Variants in IGFLR1 observed in about 807,000 individuals in gnomAD.
IGFLR1 encodes the protein IGF-like family receptor 1.
A neutral mutation model predicts 23.4 loss-of-function variants in IGFLR1; 17 were observed. That is an observed-to-expected ratio of 0.73 (90% confidence interval 0.50 to 1.09). The LOEUF (loss-of-function observed/expected upper bound fraction) is 1.09. IGFLR1 is among the 50% of genes least tolerant of loss of function. The pLI, the probability that IGFLR1 is intolerant of heterozygous loss-of-function variation, is 0.00. For synonymous variants in IGFLR1, 265 were observed against 210.7 expected, an observed-to-expected ratio of 1.26 and a Z score of -2.23; for missense variants, 556 against 459.2, an observed-to-expected ratio of 1.21 and a Z score of -1.93.
chr19:35,741,430 C>T (rs1970227282), intron 1 of IGFLR1: 4 of 541,460 alleles, frequency 7.4e-6, no homozygotes, highest in Admixed American at 3.3e-5. Flanking sequence ...TCTGCCGTGT[C>T]CTCACCCACC....
rs1384884007 is a variant in IGFLR1, at chr19:35,739,056, T to G, written c.*224A>C. ...TCAGAACAACACAACACAGCAACTG[T>G]CTGTAGCAGGGTTGTTTCCCAGAGG... On this transcript the variant is annotated 3_prime_UTR_variant, in exon 5 of 5. Transcript: ENST00000246532. 9 of 574,344 alleles carry G rather than the reference T, an allele frequency of 1.6e-5. No individual in the cohort carries two copies. Among genetic ancestry groups the G allele is most frequent in the Non-Finnish European group, 2.5e-5 (8 of 325,554 alleles). The allele number at this position is 574,344 out of a possible 1,614,324, so 35.6% of individuals were successfully genotyped here. A position where few individuals can be genotyped will look rare whatever the true frequency, so the allele number is the denominator to read the frequency against.
intron 2 of IGFLR1, 174 bp from the exon 3 acceptor site, chr19:35,740,738 C>G (rs192904244): frequency 4.3e-6 from 3 of 690,088 alleles, no homozygotes; most frequent in Non-Finnish European, 2.4e-6. Flanking sequence ...CCCCCTCCAG[C>G]CTGCTCCGCA....
chr19:35,740,006 G>A lies in IGFLR1; in HGVS notation c.425C>T (p.Ala142Val), dbSNP rs199944101. ...APSSQERSSP[A>V]SSIAWRTPEP... ...AGGGGTCCTCCAGGCAATGGAACTTGCTGGTGAGCTGCGCTCCTGGGAGCT... is the reference window on the plus strand; with the variant it reads ...AGGGGTCCTCCAGGCAATGGAACTTACTGGTGAGCTGCGCTCCTGGGAGCT... Residue 142 changes from alanine to valine, a missense_variant, in exon 4 of 5, where the codon GCA (alanine) becomes GTA (valine). Ala to Val is a moderately conservative substitution (Grantham distance 64, BLOSUM62 0). Transcript: ENST00000246532. 4.3e-6 allele frequency: 7 copies of A among 1,614,116 alleles called. No individual in the cohort carries two copies. In the East Asian group the frequency reaches 1.3e-4, roughly 31 times the overall value.
At chr19:35,740,283 C>G (rs1184821955) in intron 3 of IGFLR1, 97 bp downstream of exon 3, 1 of 1,393,980 alleles carries the variant, frequency 7.2e-7, no homozygotes, top group Non-Finnish European at 9.5e-7. Flanking sequence ...CCTCCTGAAA[C>G]CACGGCCCCA....
rs780638012 is a variant in IGFLR1, at chr19:35,739,454, A to C, written c.894T>G (p.Phe298Leu). The change falls in exon 5 of 5, where the codon TTT (phenylalanine) becomes TTG (leucine). Residue 298 changes from phenylalanine to leucine, a missense_variant. By Grantham distance (22) the Phe-to-Leu change is conservative. Coordinates refer to ENST00000246532, the MANE Select transcript of IGFLR1 (RefSeq NM_024660.4). ...RYGLPAAWST[F>L]AYSLRPSRSP... ...AGCGACTCGGCCTCAGCGAATAGGCAAAGGTGGACCAGGCAGCAGGCAGCC... is the reference window on the plus strand; with the variant it reads ...AGCGACTCGGCCTCAGCGAATAGGCCAAGGTGGACCAGGCAGCAGGCAGCC... 6 of 1,614,016 alleles carry C rather than the reference A, an allele frequency of 3.7e-6. No homozygotes were observed. Among genetic ancestry groups the C allele is most frequent in the Middle Eastern group, 3.3e-4 (2 of 6,062 alleles).
rs1354944590 is a variant in IGFLR1 at position 35,739,841 on chromosome 19, T to C, written c.590A>G (p.Tyr197Cys). Residue 197 changes from tyrosine to cysteine, a missense_variant, in exon 4 of 5, where the codon TAT becomes TGT. By Grantham distance (194) the Tyr-to-Cys change is radical (BLOSUM62 -2). Coordinates refer to ENST00000246532, the MANE Select transcript of IGFLR1 (RefSeq NM_024660.4). ...TCCGCAGACCAAGCCAGGATAGGGA[T>C]AGGGGTCGGCTTTCTCCTTGGGCCA... The part of the protein sequence containing the change: ...LCWPKEKADP[Y>C]PYPGLVCGVP... The C allele has an allele frequency of 1.2e-6, 2 of 1,611,534 alleles. No individual in the cohort carries two copies. The highest frequency in any genetic ancestry group is 2.2e-5 in the South Asian group (2 of 90,986).
chr19:35,741,914 C>T (rs532311510), intron 1 of IGFLR1, among the ~76,000 whole-genome samples: 4 of 152,258 alleles, frequency 2.6e-5, no homozygotes, highest in Admixed American at 2.0e-4. Context: ...TAGTTCAAAA[C>T]CAGCCTGGCC....
rs560914421 is a variant in IGFLR1 at position 35,740,720 on chromosome 19, C to T, written c.158-156G>A. 21 of 738,294 alleles carry T rather than the reference C, an allele frequency of 2.8e-5. No individual in the cohort carries two copies. The East Asian group carries it at 3.4e-4, about 12-fold the overall frequency. The allele number at this position is 738,294 out of a possible 1,614,324, so 45.7% of individuals were successfully genotyped here. ...TCTTGTCACTTTTCTCCGGGCTCGC[C>T]TTTTCACCCCCCTCCAGCCTGCTCC... is the stretch of plus-strand genomic sequence containing the variant. On this transcript the variant is annotated intron_variant, in intron 2 of 4. Transcript: ENST00000246532.
At position 35,741,356 on chromosome 19, in the gene IGFLR1, C is replaced by T. The variant is rs1599718507; in HGVS notation, c.-43-133G>A. On this transcript the variant is annotated intron_variant, in intron 1 of 4. Transcript: ENST00000246532. ...CCAACTGAGCCGGTTATCAGAGAAGCCCACAAGGCCACTAGGGGACTAACA... is the reference window on the plus strand; with the variant it reads ...CCAACTGAGCCGGTTATCAGAGAAGTCCACAAGGCCACTAGGGGACTAACA... 5.9e-6 allele frequency: 5 copies of T among 848,368 alleles called. No homozygotes were observed. In the East Asian group the frequency reaches 1.3e-4, roughly 23 times the overall value. 52.6% of individuals were successfully genotyped at this position (848,368 alleles called of 1,614,324 possible).
chr19:35,739,987 C>A lies in IGFLR1; in HGVS notation c.444G>T (p.Arg148Ser), dbSNP rs755829240. 2 of 1,614,174 alleles carry A rather than the reference C, an allele frequency of 1.2e-6. No individual in the cohort carries two copies. The highest frequency in any genetic ancestry group is 3.3e-5 in the Admixed American group (2 of 60,028). ...RSSPASSIAW[R>S]TPEPVPQQAW... ...CCTGCTGAGGGACAGGCTCAGGGGT[C>A]CTCCAGGCAATGGAACTTGCTGGTG... is the stretch of plus-strand genomic sequence containing the variant. Residue 148 changes from arginine to serine, a missense_variant, in exon 4 of 5, where the codon AGG (arginine) becomes AGT (serine). Arg to Ser is a moderately radical substitution (Grantham distance 110, BLOSUM62 -1). Coordinates refer to ENST00000246532, the MANE Select transcript of IGFLR1 (RefSeq NM_024660.4).
Position 35,739,961 on chromosome 19 carries a change from G to T in IGFLR1, c.470C>A (p.Ala157Asp). 1 of 1,614,134 alleles carries T rather than the reference G, an allele frequency of 6.2e-7. No homozygotes were observed. Among genetic ancestry groups the T allele is most frequent in the Non-Finnish European group, 8.5e-7 (1 of 1,180,010 alleles). The change falls in exon 4 of 5, where the codon GCC becomes GAC. Residue 157 changes from alanine (A) to aspartate (D), a missense_variant. Physicochemically the swap from Ala to Asp is moderately radical, Grantham distance 126 (BLOSUM62 -2). Coordinates refer to ENST00000246532, the MANE Select transcript of IGFLR1 (RefSeq NM_024660.4). ...WRTPEPVPQQ[A>D]WPNFLPLVVL... is the part of the protein sequence containing the mutation. ...CACGAGCGGAAGGAAATTCGGCCAG[G>T]CCTGCTGAGGGACAGGCTCAGGGGT...
intron 3 of IGFLR1, 22 bp downstream of exon 3, chr19:35,740,358 C>T (rs2146491738): frequency 1.3e-6 from 2 of 1,552,402 alleles, no homozygotes; most frequent in East Asian, 2.3e-5. Context: ...CGCCCTTGCC[C>T]TGCCGGGAGT....
Position 35,740,013 on chromosome 19 carries a change from A to G in IGFLR1, c.418T>C (p.Ser140Pro). The change falls in exon 4 of 5, where the codon TCA becomes CCA. Residue 140 changes from serine (S) to proline (P), a missense_variant. By Grantham distance (74) the Ser-to-Pro change is moderately conservative. Coordinates refer to ENST00000246532, the MANE Select transcript of IGFLR1 (RefSeq NM_024660.4). ...PGAPSSQERS[S>P]PASSIAWRTP... ...CTCCAGGCAATGGAACTTGCTGGTG[A>G]GCTGCGCTCCTGGGAGCTAGGGGCG... 1 of 1,613,958 alleles carries G rather than the reference A, an allele frequency of 6.2e-7. No homozygotes were observed. The highest frequency in any genetic ancestry group is 8.5e-7 in the Non-Finnish European group (1 of 1,179,958).
chr19:35,741,489 C>T (rs1458177243), intron 1 of IGFLR1: 1 of 384,958 alleles, frequency 2.6e-6, no homozygotes. Context: ...GCACCTGTCT[C>T]ATAGGGTTAT....
chr19:35,740,750 G>T, intron 2 of IGFLR1, 186 bp from the exon 3 acceptor site: 1 of 655,676 alleles, frequency 1.5e-6, no homozygotes, highest in Non-Finnish European at 2.5e-6. Context: ...TGCTCCGCAC[G>T]AAGCTCCGCC....
Position 35,739,465 on chromosome 19 carries a change from A to G in IGFLR1, c.883T>C (p.Trp295Arg). The change falls in exon 5 of 5, where the codon TGG becomes CGG. Residue 295 changes from tryptophan to arginine, a missense_variant. Coordinates refer to ENST00000246532, the MANE Select transcript of IGFLR1 (RefSeq NM_024660.4). ...CTCAGCGAATAGGCAAAGGTGGACC[A>G]GGCAGCAGGCAGCCCATATCTTGCG... ...LAARYGLPAA[W>R]STFAYSLRPS... 1 of 1,613,950 alleles carries G rather than the reference A, an allele frequency of 6.2e-7. No individual in the cohort carries two copies. Among genetic ancestry groups the G allele is most frequent in the Non-Finnish European group, 8.5e-7 (1 of 1,179,970 alleles).
chr19:35,739,766 G>A lies in IGFLR1; in HGVS notation c.665C>T (p.Ala222Val), dbSNP rs1176948194. ...PSSSHLSSPG[A>V]LETGDTWKEA... ...CTTCCATGTGTCCCCTGTCTCCAGGGCGCCTGGGGAGGACAGATGCGAGGA... is the reference window on the plus strand; with the variant it reads ...CTTCCATGTGTCCCCTGTCTCCAGGACGCCTGGGGAGGACAGATGCGAGGA... Residue 222 changes from alanine to valine, a missense_variant, in exon 4 of 5, where the codon GCC becomes GTC. Coordinates refer to ENST00000246532, the MANE Select transcript of IGFLR1 (RefSeq NM_024660.4). The A allele has an allele frequency of 6.4e-7, 1 of 1,559,450 alleles. No individual in the cohort carries two copies. Among genetic ancestry groups the A allele is most frequent in the African/African-American group, 1.4e-5 (1 of 73,766 alleles).
At chr19:35,740,779 A>G (rs1970178900) in intron 2 of IGFLR1, 3 of 638,252 alleles carry the variant, frequency 4.7e-6, no homozygotes, top group Non-Finnish European at 5.3e-6. Context: ...GCTTCTCTAC[A>G]TAAAGCCCAC....
rs766663629 is a variant in IGFLR1, at chr19:35,741,249, G to C, written c.-43-26C>G. 18 of 1,581,828 alleles carry C rather than the reference G, an allele frequency of 1.1e-5. No homozygotes were observed. In the Admixed American group the frequency reaches 2.4e-4, roughly 21 times the overall value. ...CTACACTTTCCGGGGAAATCGGGCA[G>C]AAGAAAGGACGCGGTGATGTGGGGG... On this transcript the variant is annotated intron_variant, in intron 1 of 4. Coordinates refer to ENST00000246532, the MANE Select transcript of IGFLR1 (RefSeq NM_024660.4).
Sources: gnomAD v4.1 joint callset for allele counts (sites outside exome capture counted in the v4.1 genomes callset) on GRCh38, gnomAD v4.1.1 for gene constraint, MANE v1.5 for transcripts, NCBI Gene and HGNC (gene_info 2026-07-23, HGNC 2026-07-21) for gene names.